Variants in DCDC1 observed in about 807,000 individuals in gnomAD.
The protein encoded by DCDC1 is doublecortin domain containing 1.
DCDC1 carries 200 observed loss-of-function variants against 178.3 expected under a neutral mutation model. The observed-to-expected ratio is 1.12, with a 90% CI of 1.00 to 1.26. The LOEUF (loss-of-function observed/expected upper bound fraction) is 1.26. Among genes scored for constraint, DCDC1 ranks in the 50% most tolerant of loss-of-function variants. The probability of loss-of-function intolerance (pLI) is 0.00; values close to 1 mark genes in which losing one functional copy is unlikely to be tolerated. For missense variants in DCDC1, 1,983 were observed against 1,749.2 expected (o/e 1.13, Z -2.38); for synonymous variants, 690 against 604.8 (o/e 1.14, Z -2.07).
intron 20 of DCDC1, among the ~76,000 whole-genome samples, chr11:31,032,370 GA>G (rs1953708265): frequency 6.6e-6 from 1 of 152,016 alleles, no homozygotes. Flanking sequence ...TGTCTTGTAG[GA>G]ATATTGTATT....
intron 25 of DCDC1, among the ~76,000 whole-genome samples, chr11:30,918,515 C>G (rs1379023359): frequency 6.6e-6 from 1 of 152,040 alleles, no homozygotes; most frequent in Non-Finnish European, 1.5e-5. Context: ...TGGAAATTGA[C>G]TGGGATGGGG....
At chr11:31,035,824 T>C (rs1308626708) in intron 20 of DCDC1, among the ~76,000 whole-genome samples, 4 of 152,280 alleles carry the variant, frequency 2.6e-5, no homozygotes, top group African/African-American at 9.6e-5. Context: ...ATTTTCTTAA[T>C]TCCTTCTACA....
chr11:30,911,266 C>T (rs1474889653), intron 28 of DCDC1, 61 bp downstream of exon 28: 3 of 1,405,496 alleles, frequency 2.1e-6, no homozygotes, highest in Non-Finnish European at 2.9e-6. Flanking sequence ...CAAGGAAGCA[C>T]AAAGCTTTAC....
intron 38 of DCDC1, among the ~76,000 whole-genome samples, chr11:30,868,889 G>T (rs1467934874): frequency 6.6e-6 from 1 of 152,220 alleles, no homozygotes; most frequent in Non-Finnish European, 1.5e-5. Context: ...TTTATGGAAT[G>T]AGAATTCTGG....
chr11:31,000,666 T>C (rs528041589), intron 20 of DCDC1, among the ~76,000 whole-genome samples: 16 of 152,228 alleles, frequency 1.1e-4, no homozygotes, highest in Non-Finnish European at 2.1e-4. Context: ...TGAAGCTTTG[T>C]TGGCAGCTGG....
At chr11:31,277,535 T>A (rs990569711) in intron 7 of DCDC1, among the ~76,000 whole-genome samples, 1 of 152,140 alleles carries the variant, frequency 6.6e-6, no homozygotes, top group Non-Finnish European at 1.5e-5. Context: ...TGCATTCTTA[T>A]CAGCTAAATA....
Position 31,290,672 on chromosome 11 carries a change from G to T in DCDC1, c.935C>A (p.Thr312Lys), listed in dbSNP as rs1216045657. 2 of 1,612,046 alleles carry T rather than the reference G, an allele frequency of 1.2e-6. No homozygotes were observed. The highest frequency in any genetic ancestry group is 8.5e-7 in the Non-Finnish European group (1 of 1,179,188). The change falls in exon 7 of 39, where the codon ACA (threonine) becomes AAA (lysine). Residue 312 changes from threonine to lysine, a missense_variant. Coordinates refer to ENST00000684477, the MANE Select transcript of DCDC1 (RefSeq NM_001387274.1). ...NGMGQDGHEI[T>K]VGKETMKKVL... is the part of the protein sequence containing the mutation. ...CTTTTTCATTGTTTCTTTTCCCACT[G>T]TAATCTCATGCCCATCCTGCCCCAT...
intron 20 of DCDC1, among the ~76,000 whole-genome samples, chr11:30,957,525 G>A (rs1948837799): frequency 6.6e-6 from 1 of 152,110 alleles, no homozygotes; most frequent in South Asian, 2.1e-4. Context: ...AGACCCAATT[G>A]TACTAAAGTT....
chr11:31,154,156 T>G (rs1234137850), intron 9 of DCDC1, among the ~76,000 whole-genome samples: 2 of 152,214 alleles, frequency 1.3e-5, no homozygotes, highest in East Asian at 1.9e-4. Context: ...CTGCTTCCCC[T>G]TCACCTTTCT....
chr11:30,927,011 C>T (rs527971278), intron 22 of DCDC1, among the ~76,000 whole-genome samples: 1 of 151,884 alleles, frequency 6.6e-6, no homozygotes, highest in Non-Finnish European at 1.5e-5. Flanking sequence ...AATCACTTGC[C>T]AGGACACCCC....
chr11:31,267,853 T>C (rs904477358), intron 7 of DCDC1, among the ~76,000 whole-genome samples: 4 of 152,228 alleles, frequency 2.6e-5, no homozygotes, highest in Non-Finnish European at 5.9e-5. Context: ...CCATGCTTGT[T>C]TTTATTTTAA....
chr11:31,328,852 G>T (rs1949793699), intron 2 of DCDC1, among the ~76,000 whole-genome samples: 1 of 145,316 alleles, frequency 6.9e-6, no homozygotes, highest in African/African-American at 2.6e-5. Context: ...CTGGTTTGTT[G>T]GAAAACATTT....
rs2774400 is a variant in DCDC1, at chr11:31,286,307, A to G, written c.960+4340T>C. ...TGGTCCTTTTGCCTACAGTAAGTAT[A>G]TGACGCCTCCAGGTAACGGAGGAAA... On this transcript the variant is annotated intron_variant, in intron 7 of 38. Coordinates refer to ENST00000684477, the MANE Select transcript of DCDC1 (RefSeq NM_001387274.1). Among the ~76,000 whole-genome samples, 1,055 of 152,186 alleles carry G rather than the reference A, an allele frequency of 6.9e-3. 11 individuals are homozygous for G. Among genetic ancestry groups the G allele is most frequent in the African/African-American group, 0.024 (1,000 of 41,546 alleles).
At chr11:31,244,287 G>A (rs1417304409) in intron 8 of DCDC1, among the ~76,000 whole-genome samples, 1 of 151,644 alleles carries the variant, frequency 6.6e-6, no homozygotes, top group Non-Finnish European at 1.5e-5. Flanking sequence ...ATTTTAACTG[G>A]ATGTGAATTA....
At chr11:31,006,285 T>G (rs759201880) in intron 20 of DCDC1, among the ~76,000 whole-genome samples, 12 of 152,168 alleles carry the variant, frequency 7.9e-5, no homozygotes, top group Non-Finnish European at 1.8e-4. Flanking sequence ...CTGGTTGGTT[T>G]GTTTGCTACT....
intron 7 of DCDC1, among the ~76,000 whole-genome samples, chr11:31,267,591 AC>A (rs1214285683): frequency 6.6e-6 from 1 of 152,146 alleles, no homozygotes; most frequent in African/African-American, 2.4e-5. Context: ...GAATGTAACA[AC>A]CCTGGTGATT....
chr11:30,943,595 G>T, intron 21 of DCDC1: 1 of 440,176 alleles, frequency 2.3e-6, no homozygotes. Flanking sequence ...TAAGTGTTTA[G>T]AAGCACAATT....
intron 9 of DCDC1, among the ~76,000 whole-genome samples, chr11:31,157,424 CAT>C (rs1370752582): frequency 2.1e-5 from 3 of 140,684 alleles, no homozygotes; most frequent in African/African-American, 5.2e-5. Flanking sequence ...TATATACACA[CAT>C]ATATATACAT....
chr11:30,888,675 C>T (rs905899971), intron 36 of DCDC1, among the ~76,000 whole-genome samples: 5 of 152,190 alleles, frequency 3.3e-5, no homozygotes, highest in African/African-American at 4.8e-5. Context: ...TAAGATAGCG[C>T]CATTGCACTC....
Sources: allele counts gnomAD v4.1 joint callset (sites outside exome capture counted in the v4.1 genomes callset), GRCh38; gene constraint gnomAD v4.1.1; transcripts MANE v1.5; gene names NCBI Gene and HGNC (gene_info 2026-07-23, HGNC 2026-07-21).